Variants in NACA observed in about 807,000 individuals in gnomAD.
The protein encoded by NACA is nascent polypeptide associated complex subunit alpha.
A neutral mutation model predicts 86.4 loss-of-function variants in NACA; 42 were observed. The observed-to-expected ratio is 0.49, with a 90% CI of 0.38 to 0.63. NACA has a LOEUF of 0.63. NACA is among the 20% of genes least tolerant of loss of function. The pLI is 0.00. For synonymous variants in NACA, 898 were observed against 973.7 expected, an observed-to-expected ratio of 0.92 and a Z score of 1.45; for missense variants, 2,157 against 2,483.6, an observed-to-expected ratio of 0.87 and a Z score of 2.80.
Position 56,721,092 on chromosome 12 carries a change from T to A in NACA, c.438A>T (p.Ser146=). The part of the protein sequence containing the change: ...PLALVALAPH[S]VQKSSAFPPN... ...GTGGAAAAGCAGAACTCTTCTGAAC[T>A]GAGTGGGGAGCCAGGGCAACCAGAG... is the stretch of plus-strand genomic sequence containing the variant. Residue 146 remains serine (S), a synonymous_variant, in exon 3 of 9, where the codon TCA becomes TCT. Transcript: ENST00000454682. The A allele has an allele frequency of 6.2e-7, 1 of 1,613,802 alleles. No individual in the cohort carries two copies. The highest frequency in any genetic ancestry group is 8.5e-7 in the Non-Finnish European group (1 of 1,179,828).
Position 56,717,046 on chromosome 12 carries a change from G to T in NACA, c.4484C>A (p.Ala1495Glu). 7.9e-7 allele frequency: 1 copy of T among 1,265,200 alleles called. No individual in the cohort carries two copies. The highest frequency in any genetic ancestry group is 1.6e-5 in the African/African-American group (1 of 63,316). The allele number at this position is 1,265,200 out of a possible 1,614,324, so 78.4% of individuals were successfully genotyped here. Residue 1495 changes from alanine (A) to glutamate (E), a missense_variant, in exon 3 of 9, where the codon GCA (alanine) becomes GAA (glutamate). Physicochemically the swap from Ala to Glu is moderately radical, Grantham distance 107 (BLOSUM62 -1). Around this residue, in one of 8 missense-constraint regions of NACA, gnomAD observed 797 missense variants for 777.6 expected, o/e 1.02. Coordinates refer to ENST00000454682, the MANE Select transcript of NACA (RefSeq NM_001365896.1). ...ATSSSPKKAP[A>E]TPAPMGAPTL... ...GGGGGCCCCCATGGGGGCTGGAGTT[G>T]CTGGGGCCTTTTTGGGAGAGGAAGA...
In NACA at chr12:56,720,545, T is replaced by C. The variant is rs1308898880; in HGVS notation, c.985A>G (p.Ser329Gly). ...SVQLLGQTGP[S>G]ALSDPTVKTI... ...TTCACTGTAGGGTCTGACAAAGCAC[T>C]AGGACCTGTTTGACCTAAAAGTTGG... The change falls in exon 3 of 9, where the codon AGT (serine) becomes GGT (glycine). Residue 329 changes from serine to glycine, a missense_variant. By Grantham distance (56) the Ser-to-Gly change is moderately conservative (BLOSUM62 0). Coordinates refer to ENST00000454682, the MANE Select transcript of NACA (RefSeq NM_001365896.1). 2 of 1,613,930 alleles carry C rather than the reference T, an allele frequency of 1.2e-6. No homozygotes were observed. Among genetic ancestry groups the C allele is most frequent in the Admixed American group, 3.3e-5 (2 of 60,018 alleles).
rs1479999923 is a variant in NACA, at chr12:56,721,177, A to G, written c.353T>C (p.Leu118Pro). Residue 118 changes from leucine to proline, a missense_variant, in exon 3 of 9, where the codon CTA becomes CCA. Transcript: ENST00000454682. The part of the protein sequence containing the change: ...GPPISPAALA[L>P]ASPMIAPTLK... ...AGTTGGAGCTATCATGGGAGAGGCT[A>G]GAGCTAAGGCAGCTGGGGAGATGGG... 2 of 1,613,954 alleles carry G rather than the reference A, an allele frequency of 1.2e-6. No individual in the cohort carries two copies. Among genetic ancestry groups the G allele is most frequent in the South Asian group, 2.2e-5 (2 of 91,070 alleles).
chr12:56,714,166 G>C, intron 5 of NACA, 196 bp downstream of exon 5: 5 of 578,544 alleles, frequency 8.6e-6, no homozygotes, highest in Non-Finnish European at 1.5e-5. Flanking sequence ...CTTTCAACGG[G>C]ATTCTACCAC....
At position 56,720,024 on chromosome 12, in the gene NACA, C is replaced by T; in HGVS notation, c.1506G>A (p.Arg502=). The part of the protein sequence containing the change: ...EPSTQVATTL[R]IPVSPPLPDP... The stretch of plus-strand genomic sequence containing the variant: ...CTGGCAGAGGAGGAGAGACTGGTAT[C>T]CTCAGAGTGGTTGCTACTTGAGTAG... Residue 502 remains arginine, a synonymous_variant, in exon 3 of 9, where the codon AGG becomes AGA. Transcript: ENST00000454682. 6.2e-7 allele frequency: 1 copy of T among 1,613,758 alleles called. No individual in the cohort carries two copies.
At position 56,721,139 on chromosome 12, in the gene NACA, G is replaced by C. The variant is rs775428247; in HGVS notation, c.391C>G (p.Pro131Ala). Residue 131 changes from proline to alanine, a missense_variant, in exon 3 of 9, where the codon CCT becomes GCT. Around this residue, in one of 8 missense-constraint regions of NACA, gnomAD observed 947 missense variants for 917.9 expected, o/e 1.03. Coordinates refer to ENST00000454682, the MANE Select transcript of NACA (RefSeq NM_001365896.1). ...PMIAPTLKGTPSSSAPLALVA... is the reference protein window; with the variant it reads ...PMIAPTLKGTASSSAPLALVA... ...AGAGCTAAGGGAGCTGAAGAGGAAG[G>C]GGTCCCTTTCAGAGTTGGAGCTATC... 2 of 1,613,896 alleles carry C rather than the reference G, an allele frequency of 1.2e-6. No homozygotes were observed. The highest frequency in any genetic ancestry group is 1.6e-4 in the Middle Eastern group (1 of 6,062).
In NACA at chr12:56,719,061, A is replaced by T. The variant is rs749742624; in HGVS notation, c.2469T>A (p.Asn823Lys). 2.1e-6 allele frequency: 3 copies of T among 1,449,308 alleles called. No homozygotes were observed. The highest frequency in any genetic ancestry group is 2.8e-6 in the Non-Finnish European group (3 of 1,072,620). 89.8% of individuals were successfully genotyped at this position (1,449,308 alleles called of 1,614,324 possible). A position where few individuals can be genotyped will look rare whatever the true frequency, so the allele number is the denominator to read the frequency against. Residue 823 changes from asparagine to lysine, a missense_variant, in exon 3 of 9, where the codon AAT (asparagine) becomes AAA (lysine). Around this residue, in one of 8 missense-constraint regions of NACA, gnomAD observed 174 missense variants for 217.0 expected, o/e 0.80. Coordinates refer to ENST00000454682, the MANE Select transcript of NACA (RefSeq NM_001365896.1). The part of the protein sequence containing the change: ...GSAGPDTPIG[N>K]LSSPVSPVEA... Reference sequence around the variant, plus strand: ...CAACTGGAGAAACAGGGGATGAGAGATTTCCAATAGGAGTATCAGGGCCAG... The same window carrying T: ...CAACTGGAGAAACAGGGGATGAGAGTTTTCCAATAGGAGTATCAGGGCCAG...
Position 56,719,912 on chromosome 12 carries a change from C to T in NACA, c.1618G>A (p.Glu540Lys). ...KDLQTVPASL[E>K]GAPFSPAQAG... ...TGGGCTGGAGAGAAAGGGGCTCCTT[C>T]AAGAGAGGCAGGTACAGTTTGGAGG... Residue 540 changes from glutamate (E) to lysine (K), a missense_variant, in exon 3 of 9, where the codon GAA (glutamate) becomes AAA (lysine). Around this residue, in one of 8 missense-constraint regions of NACA, gnomAD observed 947 missense variants for 917.9 expected, o/e 1.03. Coordinates refer to ENST00000454682, the MANE Select transcript of NACA (RefSeq NM_001365896.1). The T allele has an allele frequency of 2.5e-6, 4 of 1,613,694 alleles. No individual in the cohort carries two copies. The South Asian group carries it at 4.4e-5, about 18-fold the overall frequency.
intron 3 of NACA, 60 bp downstream of exon 3, chr12:56,715,811 G>C: frequency 7.1e-7 from 1 of 1,412,054 alleles, no homozygotes; most frequent in Non-Finnish European, 9.5e-7. Flanking sequence ...TTGGTGGGTA[G>C]CGCCCAAGAG....
chr12:56,720,469 C>G lies in NACA; in HGVS notation c.1061G>C (p.Arg354Thr). Residue 354 changes from arginine (R) to threonine (T), a missense_variant, in exon 3 of 9, where the codon AGA (arginine) becomes ACA (threonine). Coordinates refer to ENST00000454682, the MANE Select transcript of NACA (RefSeq NM_001365896.1). ...GGAAGGAAGGGGAGGAATTACAGAT[C>G]TCTGAGAAGGATAAGAGGCCCCTGT... ...SSTGASYPSQ[R>T]SVIPPLPSRN... 6.2e-7 allele frequency: 1 copy of G among 1,613,740 alleles called. No individual in the cohort carries two copies. Among genetic ancestry groups the G allele is most frequent in the Non-Finnish European group, 8.5e-7 (1 of 1,179,762 alleles).
At position 56,720,758 on chromosome 12, in the gene NACA, G is replaced by A; in HGVS notation, c.772C>T (p.Pro258Ser). 1 of 1,614,008 alleles carries A rather than the reference G, an allele frequency of 6.2e-7. No homozygotes were observed. Among genetic ancestry groups the A allele is most frequent in the Non-Finnish European group, 8.5e-7 (1 of 1,179,902 alleles). ...AGGCTGAGGCTTCCTGGGTTTTGTG[G>A]AGAAATCAGAACTGAGGAAATGGTG... ...DTTISSVLIS[P>S]QNPGSLSLKG... Residue 258 changes from proline (P) to serine (S), a missense_variant, in exon 3 of 9, where the codon CCA (proline) becomes TCA (serine). Physicochemically the swap from Pro to Ser is moderately conservative, Grantham distance 74. This residue lies in a region of NACA where 947 missense variants were observed against 917.9 expected (regional missense o/e 1.03). Transcript: ENST00000454682.
Position 56,721,441 on chromosome 12 carries a change from G to C in NACA, c.89C>G (p.Ser30Ter), listed in dbSNP as rs780958638. ...QAETAVLPMS[S>*]ALSVTAALGQ... ...TAAGGCAGCAGTGACACTCAAGGCT[G>C]AAGACATAGGTAGCACAGCTGGAGA... The change falls in exon 3 of 9, where the codon TCA (serine) becomes TGA (stop). Residue 30 changes from serine (S) to a stop codon, truncating the protein, a stop_gained. Transcript: ENST00000454682. LOFTEE classifies it high-confidence loss of function. 6.6e-7 allele frequency: 1 copy of C among 1,509,390 alleles called. No homozygotes were observed. The highest frequency in any genetic ancestry group is 1.3e-5 in the South Asian group (1 of 77,288). The allele number at this position is 1,509,390 out of a possible 1,614,324, so 93.5% of individuals were successfully genotyped here.
At position 56,720,747 on chromosome 12, in the gene NACA, T is replaced by C. The variant is rs778198426; in HGVS notation, c.783A>G (p.Pro261=). The change falls in exon 3 of 9, where the codon CCA becomes CCG. Residue 261 remains proline, a synonymous_variant. Coordinates refer to ENST00000454682, the MANE Select transcript of NACA (RefSeq NM_001365896.1). ...ISSVLISPQN[P]GSLSLKGPVS... ...CAGGCCCCTTCAGGCTGAGGCTTCC[T>C]GGGTTTTGTGGAGAAATCAGAACTG... 3 of 1,613,974 alleles carry C rather than the reference T, an allele frequency of 1.9e-6. No individual in the cohort carries two copies.
chr12:56,716,417 G>A lies in NACA; in HGVS notation c.5113C>T (p.Gln1705Ter), dbSNP rs2137807585. 5 of 1,598,570 alleles carry A rather than the reference G, an allele frequency of 3.1e-6. No individual in the cohort carries two copies. Among genetic ancestry groups the A allele is most frequent in the South Asian group, 1.1e-5 (1 of 90,114 alleles). ...IITAPTRKGP[Q>*]TKKSSATSPP... Reference sequence around the variant, plus strand: ...GAAGTAGCAGAACTCTTTTTGGTCTGTGGACCTTTCCGAGTGGGAGCTGTG... The same window carrying A: ...GAAGTAGCAGAACTCTTTTTGGTCTATGGACCTTTCCGAGTGGGAGCTGTG... The change falls in exon 3 of 9, where the codon CAG (glutamine) becomes TAG (stop). Residue 1705 changes from glutamine (Q) to a stop codon, truncating the protein, a stop_gained. Coordinates refer to ENST00000454682, the MANE Select transcript of NACA (RefSeq NM_001365896.1). LOFTEE classifies it high-confidence loss of function.
At position 56,719,205 on chromosome 12, in the gene NACA, A is replaced by G; in HGVS notation, c.2325T>C (p.Ser775=). Reference sequence around the variant, plus strand: ...TGGAAGATGCAGTAGCAGAAGCACCAGAGTCCTCAGTTGGGCACTCTTTGG... The same window carrying G: ...TGGAAGATGCAGTAGCAGAAGCACCGGAGTCCTCAGTTGGGCACTCTTTGG... ...SSPKECPTED[S]GASATASSKG... is the part of the protein sequence containing the mutation. Residue 775 remains serine, a synonymous_variant, in exon 3 of 9, where the codon TCT becomes TCC. Coordinates refer to ENST00000454682, the MANE Select transcript of NACA (RefSeq NM_001365896.1). The G allele has an allele frequency of 6.7e-7, 1 of 1,488,714 alleles. No homozygotes were observed. The highest frequency in any genetic ancestry group is 1.1e-5 in the South Asian group (1 of 88,968). The allele number at this position is 1,488,714 out of a possible 1,614,324, so 92.2% of individuals were successfully genotyped here. A position where few individuals can be genotyped will look rare whatever the true frequency, so the allele number is the denominator to read the frequency against.
intron 2 of NACA, among the ~76,000 whole-genome samples, chr12:56,723,461 T>A (rs540194779): frequency 6.6e-6 from 1 of 152,214 alleles, no homozygotes; most frequent in African/African-American, 2.4e-5. Context: ...CTTTATTTTT[T>A]CCCTTCCTTA....
At position 56,714,007 on chromosome 12, in the gene NACA, T is replaced by C. The variant is rs577185452; in HGVS notation, c.5824-324A>G. ...CAGGAGCGTTACCACCATGCCCTGC[T>C]ATATATTTTTGGTATTTTTAGTAGA... is the stretch of plus-strand genomic sequence containing the variant. On this transcript the variant is annotated intron_variant, in intron 5 of 8. Transcript: ENST00000454682. The C allele has an allele frequency of 3.1e-4, 117 of 380,968 alleles. 1 individual carries two copies. The highest frequency in any genetic ancestry group is 4.8e-4 in the Non-Finnish European group (100 of 208,590). The allele number at this position is 380,968 out of a possible 1,614,324, so 23.6% of individuals were successfully genotyped here. A position where few individuals can be genotyped will look rare whatever the true frequency, so the allele number is the denominator to read the frequency against.
chr12:56,724,110 T>G (rs1319352894), intron 2 of NACA, among the ~76,000 whole-genome samples: 1 of 152,226 alleles, frequency 6.6e-6, no homozygotes, highest in Admixed American at 6.5e-5. Context: ...CCGGGCTCCT[T>G]GGCCTGTGTC....
rs749135715 is a variant in NACA, at chr12:56,713,533, T to A, written c.5970+4A>T. The A allele has an allele frequency of 9.9e-6, 16 of 1,613,362 alleles. No individual in the cohort carries two copies. In the South Asian group the frequency reaches 1.6e-4, roughly 17 times the overall value. ...GGAACAATGCCCAAGAAAAGTTTAC[T>A]CACCTTGGCTTCCCCAAAAACTATG... On this transcript the variant is annotated splice_donor_region_variant and intron_variant, in intron 6 of 8. Transcript: ENST00000454682.
Sources: allele counts gnomAD v4.1 joint callset (sites outside exome capture counted in the v4.1 genomes callset), GRCh38; gene constraint gnomAD v4.1.1; regional missense constraint gnomAD v4.1.1; transcripts MANE v1.5; gene names NCBI Gene and HGNC (gene_info 2026-07-23, HGNC 2026-07-21).